Variants in MRPL3 observed in about 807,000 individuals in gnomAD.
MRPL3 encodes the protein mitochondrial ribosomal protein L3.
In MRPL3, 43 loss-of-function variants were observed where a neutral mutation model predicts 44.3. The ratio of observed to expected loss-of-function variants is 0.97; its 90% CI spans 0.76 to 1.25. The LOEUF (loss-of-function observed/expected upper bound fraction) is 1.25, where lower values mean the gene tolerates loss of function less well. MRPL3 is among the 50% of genes most tolerant of loss of function. The probability of loss-of-function intolerance (pLI) is 0.00; values close to 1 mark genes in which losing one functional copy is unlikely to be tolerated. For synonymous variants in MRPL3, 171 were observed against 152.3 expected, an observed-to-expected ratio of 1.12 and a Z score of -0.91; for missense variants, 406 against 427.6, an observed-to-expected ratio of 0.95 and a Z score of 0.45.
chr3:131,499,574 T>C (rs947434271), intron 3 of MRPL3, among the ~76,000 whole-genome samples: 4 of 152,202 alleles, frequency 2.6e-5, no homozygotes, highest in Non-Finnish European at 5.9e-5. Flanking sequence ...AAAGGATCTA[T>C]AGACTCTTTG....
chr3:131,484,532 G>A (rs367658539), intron 6 of MRPL3, among the ~76,000 whole-genome samples: 80 of 152,064 alleles, frequency 5.3e-4, no homozygotes, highest in African/African-American at 1.7e-3. Flanking sequence ...AGATAGAGCC[G>A]AAAAGTTCCA....
In MRPL3 at chr3:131,498,001, C is replaced by G. The variant is rs1368186487; in HGVS notation, c.468+178G>C. On this transcript the variant is annotated intron_variant, in intron 4 of 9. Coordinates refer to ENST00000264995, the MANE Select transcript of MRPL3 (RefSeq NM_007208.4). ...ACAGGGAGAGGTATTAGAACAAACT[C>G]AAGAGTCTCCAAGACTCCTGGGCAA... 3 of 606,824 alleles carry G rather than the reference C, an allele frequency of 4.9e-6. No individual in the cohort carries two copies. The East Asian group carries it at 8.5e-5, about 17-fold the overall frequency. The allele number at this position is 606,824 out of a possible 1,614,324, so 37.6% of individuals were successfully genotyped here.
At chr3:131,462,981 G>C (rs1231105381) in intron 9 of MRPL3, 106 bp from the exon 10 acceptor site, 1 of 908,830 alleles carries the variant, frequency 1.1e-6, no homozygotes, top group Non-Finnish European at 1.6e-6. Flanking sequence ...ATTTTCTAAT[G>C]TGAATAACAC....
Position 131,501,772 on chromosome 3 carries a change from A to T in MRPL3, c.93-57T>A. 8 of 1,590,632 alleles carry T rather than the reference A, an allele frequency of 5.0e-6. No individual in the cohort carries two copies. The South Asian group carries it at 9.1e-5, about 18-fold the overall frequency. The stretch of plus-strand genomic sequence containing the variant: ...CACAATTTAAAAACTTCCTCCACTT[A>T]ATATAGAAAAGGGAAGTCACAAATT... On this transcript the variant is annotated intron_variant, in intron 1 of 9. Coordinates refer to ENST00000264995, the MANE Select transcript of MRPL3 (RefSeq NM_007208.4).
chr3:131,496,314 T>C (rs1470697497), intron 4 of MRPL3, among the ~76,000 whole-genome samples: 1 of 152,198 alleles, frequency 6.6e-6, no homozygotes, highest in Non-Finnish European at 1.5e-5. Context: ...ATAATTACTA[T>C]GGAGTTATAT....
At chr3:131,492,324 G>A (rs1934276110) in intron 4 of MRPL3, among the ~76,000 whole-genome samples, 1 of 151,950 alleles carries the variant, frequency 6.6e-6, no homozygotes, top group Non-Finnish European at 1.5e-5. Context: ...ATCTCCATGT[G>A]TCATGATACA....
intron 6 of MRPL3, among the ~76,000 whole-genome samples, chr3:131,482,678 C>T (rs1476861655): frequency 6.6e-6 from 1 of 152,046 alleles, no homozygotes; most frequent in African/African-American, 2.4e-5. Context: ...GACTTCTAGA[C>T]ATGATTTTTA....
chr3:131,465,740 A>G (rs1463820931), intron 9 of MRPL3, among the ~76,000 whole-genome samples: 5 of 152,194 alleles, frequency 3.3e-5, no homozygotes, highest in Non-Finnish European at 5.9e-5. Context: ...CACGGGAAGT[A>G]CAATGACAAT....
At chr3:131,481,211 A>C (rs1335529783) in intron 6 of MRPL3, among the ~76,000 whole-genome samples, 2 of 152,258 alleles carry the variant, frequency 1.3e-5, no homozygotes, top group Non-Finnish European at 2.9e-5. Context: ...TGTTACATAA[A>C]ATATAAAGGC....
chr3:131,472,184 T>G (rs1156373790), intron 6 of MRPL3, among the ~76,000 whole-genome samples: 2 of 152,130 alleles, frequency 1.3e-5, no homozygotes, highest in Non-Finnish European at 2.9e-5. Context: ...GAGGACTAAA[T>G]AGAAAAAAAT....
At position 131,502,786 on chromosome 3, in the gene MRPL3, G is replaced by C; in HGVS notation, c.36C>G (p.Ala12=). ...PGWRLLTQVG[A]QVLGRLGDGL... The stretch of plus-strand genomic sequence containing the variant: ...CGTCCCCGAGTCGACCCAGCACCTG[G>C]GCGCCGACCTGCGTCAGCAGCCTCC... Residue 12 remains alanine (A), a synonymous_variant, in exon 1 of 10, where the codon GCC becomes GCG. Coordinates refer to ENST00000264995, the MANE Select transcript of MRPL3 (RefSeq NM_007208.4). The C allele has an allele frequency of 6.2e-7, 1 of 1,612,500 alleles. No homozygotes were observed. The highest frequency in any genetic ancestry group is 8.5e-7 in the Non-Finnish European group (1 of 1,179,402).
At chr3:131,484,438 A>G (rs978609459) in intron 6 of MRPL3, among the ~76,000 whole-genome samples, 1 of 152,166 alleles carries the variant, frequency 6.6e-6, no homozygotes, top group African/African-American at 2.4e-5. Flanking sequence ...CTATAAATCC[A>G]TGTCCTTTCA....
intron 6 of MRPL3, among the ~76,000 whole-genome samples, chr3:131,472,867 G>A (rs1365999340): frequency 6.6e-6 from 1 of 152,026 alleles, no homozygotes; most frequent in African/African-American, 2.4e-5. Context: ...TAATGGAAGT[G>A]AAAGATTTCT....
intron 6 of MRPL3, among the ~76,000 whole-genome samples, chr3:131,485,223 A>T (rs116691005): frequency 6.6e-6 from 1 of 152,194 alleles, no homozygotes; most frequent in Admixed American, 6.5e-5. Context: ...ACTTTAAAGA[A>T]GCCAAGGAAA....
At chr3:131,471,103 G>C in intron 7 of MRPL3, 68 bp downstream of exon 7, 13 of 1,074,232 alleles carry the variant, frequency 1.2e-5, no homozygotes, top group Non-Finnish European at 1.9e-5. Context: ...TATCAAGGAC[G>C]GACTGAGGAC....
intron 4 of MRPL3, among the ~76,000 whole-genome samples, chr3:131,490,494 T>C (rs764879828): frequency 1.3e-5 from 2 of 152,242 alleles, no homozygotes; most frequent in African/African-American, 2.4e-5. Context: ...TTAAATGTTA[T>C]GACCACAAAC....
At chr3:131,490,873 T>C (rs111310367) in intron 4 of MRPL3, among the ~76,000 whole-genome samples, 1 of 152,164 alleles carries the variant, frequency 6.6e-6, no homozygotes, top group Non-Finnish European at 1.5e-5. Flanking sequence ...CCTCACATGA[T>C]TTCTATGTCA....
chr3:131,502,764 C>G lies in MRPL3; in HGVS notation c.58G>C (p.Asp20His). Residue 20 changes from aspartate (D) to histidine (H), a missense_variant, in exon 1 of 10, where the codon GAC becomes CAC. Physicochemically the swap from Asp to His is moderately conservative, Grantham distance 81. Coordinates refer to ENST00000264995, the MANE Select transcript of MRPL3 (RefSeq NM_007208.4). ...GGGCCCAGGGCAGCACCCAGGCCGTCCCCGAGTCGACCCAGCACCTGGGCG... is the reference window on the plus strand; with the variant it reads ...GGGCCCAGGGCAGCACCCAGGCCGTGCCCGAGTCGACCCAGCACCTGGGCG... The part of the protein sequence containing the change: ...VGAQVLGRLG[D>H]GLGAALGPGN... 1 of 1,612,502 alleles carries G rather than the reference C, an allele frequency of 6.2e-7. No homozygotes were observed. Among genetic ancestry groups the G allele is most frequent in the Non-Finnish European group, 8.5e-7 (1 of 1,179,226 alleles).
chr3:131,464,624 T>C (rs1291111864), intron 9 of MRPL3, among the ~76,000 whole-genome samples: 1 of 152,140 alleles, frequency 6.6e-6, no homozygotes, highest in Non-Finnish European at 1.5e-5. Context: ...GACACAGGAA[T>C]GAACACGAAT....
Sources: allele counts gnomAD v4.1 joint callset (sites outside exome capture counted in the v4.1 genomes callset), GRCh38; gene constraint gnomAD v4.1.1; transcripts MANE v1.5; gene names NCBI Gene and HGNC (gene_info 2026-07-23, HGNC 2026-07-21).